The following TNKS2 variants were observed in gnomAD, a reference collection of about 807,000 sequenced individuals.
TNKS2 encodes the protein tankyrase 2.
In TNKS2, 72 loss-of-function variants were observed where a neutral mutation model predicts 137.6. The observed-to-expected ratio is 0.52, with a 90% CI of 0.43 to 0.64. TNKS2 has a LOEUF of 0.64. Ranked by LOEUF, TNKS2 falls within the 30% of genes least tolerant of loss-of-function variation. The pLI is 0.00. For synonymous variants in TNKS2, 516 were observed against 512.1 expected, an observed-to-expected ratio of 1.01 and a Z score of -0.10; for missense variants, 1,049 against 1,410.2, an observed-to-expected ratio of 0.74 and a Z score of 4.10.
Position 91,831,641 on chromosome 10 carries a change from A to T in TNKS2, c.1275+460A>T, listed in dbSNP as rs555998616. On this transcript the variant is annotated intron_variant, in intron 11 of 26. Transcript: ENST00000371627. ...TTATTTAAATAATTTGACTAAAAAC[A>T]TAATAGCTCCCCATGTTGGTAAGTT... 5.3e-5 allele frequency among the ~76,000 whole-genome samples: 8 copies of T among 152,348 alleles called. No homozygotes were observed. In the East Asian group the frequency reaches 1.5e-3, roughly 29 times the overall value.
rs970432621 is a variant in TNKS2, at chr10:91,842,245, A to G, written c.1913A>G (p.Asp638Gly). ...PLDLVKDGDTDIQDLLRGDAA... is the reference protein window; with the variant it reads ...PLDLVKDGDTGIQDLLRGDAA... ...GATCTTGTTAAAGATGGAGATACAG[A>G]TATTCAAGATCTGCTTAGGGGAGAT... Residue 638 changes from aspartate (D) to glycine (G), a missense_variant, in exon 16 of 27, where the codon GAT becomes GGT. By Grantham distance (94) the Asp-to-Gly change is moderately conservative. Around this residue, in one of 6 missense-constraint regions of TNKS2, gnomAD observed 328 missense variants for 436.0 expected, o/e 0.75. Transcript: ENST00000371627. 7.4e-6 allele frequency: 12 copies of G among 1,614,070 alleles called. No homozygotes were observed. Among genetic ancestry groups the G allele is most frequent in the Non-Finnish European group, 1.0e-5 (12 of 1,179,972 alleles).
At chr10:91,855,737 C>T (rs1422804946) in intron 23 of TNKS2, 49 bp downstream of exon 23, 3 of 1,380,242 alleles carry the variant, frequency 2.2e-6, no homozygotes, top group South Asian at 2.5e-5. Context: ...GTTTTCAAAG[C>T]CTGAAGCCAT....
At chr10:91,813,264 C>T (rs1166978278) in intron 2 of TNKS2, 57 bp downstream of exon 2, 16 of 1,376,290 alleles carry the variant, frequency 1.2e-5, no homozygotes, top group Non-Finnish European at 1.6e-5. Flanking sequence ...TGAATCTGAA[C>T]TGAATTAATC....
intron 1 of TNKS2, among the ~76,000 whole-genome samples, chr10:91,812,008 C>T (rs748620685): frequency 4.0e-5 from 6 of 150,960 alleles, no homozygotes; most frequent in Non-Finnish European, 5.9e-5. Context: ...TGCAGTGAGC[C>T]GAGATCGTGC....
chr10:91,848,662 C>G (rs1441308529), intron 19 of TNKS2, 27 bp downstream of exon 19: 3 of 1,611,108 alleles, frequency 1.9e-6, no homozygotes, highest in Admixed American at 1.7e-5. Context: ...AAATAACTTT[C>G]TAACTGGTAT....
chr10:91,841,584 A>G, intron 15 of TNKS2, 136 bp downstream of exon 15: 2 of 527,014 alleles, frequency 3.8e-6, no homozygotes, highest in Non-Finnish European at 6.0e-6. Context: ...TAGATTTTAG[A>G]ATAAATATAA....
chr10:91,800,920 A>G (rs1488378201), intron 1 of TNKS2, among the ~76,000 whole-genome samples: 1 of 152,204 alleles, frequency 6.6e-6, no homozygotes, highest in Non-Finnish European at 1.5e-5. Flanking sequence ...AGTCATGTTA[A>G]TGTGCCTGCA....
At chr10:91,834,471 G>A (rs940040453) in intron 12 of TNKS2, among the ~76,000 whole-genome samples, 5 of 152,090 alleles carry the variant, frequency 3.3e-5, no homozygotes, top group Non-Finnish European at 7.4e-5. Context: ...CTACACACTT[G>A]GCATAGATGA....
Position 91,833,834 on chromosome 10 carries a change from T to A in TNKS2, c.1276-19T>A. 6.4e-7 allele frequency: 1 copy of A among 1,550,570 alleles called. No homozygotes were observed. Among genetic ancestry groups the A allele is most frequent in the East Asian group, 2.3e-5 (1 of 43,890 alleles). On this transcript the variant is annotated intron_variant, in intron 11 of 26. Transcript: ENST00000371627. ...ATTTTGCATTGCGGGCTAATTTCAA[T>A]TTTTTCTGCTTTGTTAAGGTTAATG... is the stretch of plus-strand genomic sequence containing the variant.
At chr10:91,845,372 T>C (rs529090744) in intron 17 of TNKS2, among the ~76,000 whole-genome samples, 139 of 152,356 alleles carry the variant, frequency 9.1e-4, no homozygotes, top group African/African-American at 3.1e-3. Flanking sequence ...TCCTGACTTA[T>C]CATAGTCCAA....
Position 91,831,114 on chromosome 10 carries a change from C to G in TNKS2, c.1208C>G (p.Pro403Arg). ...INEKTKEFLT[P>R]LHVASEKAHN... ...TTTTTCTCTCTAAGATTCTTGACTCCTCTGCACGTGGCATCTGAGAAAGCT... is the reference window on the plus strand; with the variant it reads ...TTTTTCTCTCTAAGATTCTTGACTCGTCTGCACGTGGCATCTGAGAAAGCT... The change falls in exon 11 of 27, where the codon CCT becomes CGT. Residue 403 changes from proline (P) to arginine (R), a missense_variant. By Grantham distance (103) the Pro-to-Arg change is moderately radical. Coordinates refer to ENST00000371627, the MANE Select transcript of TNKS2 (RefSeq NM_025235.4). The G allele has an allele frequency of 1.2e-6, 2 of 1,613,960 alleles. No homozygotes were observed. Among genetic ancestry groups the G allele is most frequent in the Non-Finnish European group, 1.7e-6 (2 of 1,179,932 alleles).
Position 91,798,695 on chromosome 10 carries a change from C to T in TNKS2, c.5C>T (p.Ser2Leu), listed in dbSNP as rs892382436. 3.3e-6 allele frequency: 4 copies of T among 1,230,274 alleles called. No individual in the cohort carries two copies. In the African/African-American group the frequency reaches 6.3e-5, roughly 19 times the overall value. 76.2% of individuals were successfully genotyped at this position (1,230,274 alleles called of 1,614,324 possible). A position where few individuals can be genotyped will look rare whatever the true frequency, so the allele number is the denominator to read the frequency against. The change falls in exon 1 of 27, where the codon TCG becomes TTG. Residue 2 changes from serine (S) to leucine (L), a missense_variant. Around this residue, in one of 6 missense-constraint regions of TNKS2, gnomAD observed 374 missense variants for 460.8 expected, o/e 0.81. Coordinates refer to ENST00000371627, the MANE Select transcript of TNKS2 (RefSeq NM_025235.4). MSGRRCAGGGAA... is the reference protein window; with the variant it reads MLGRRCAGGGAA... ...GCTGTGGCGGCGGCCAGGATCATGT[C>T]GGGTCGCCGCTGCGCCGGCGGGGGA...
chr10:91,827,228 A>G, intron 8 of TNKS2, 25 bp downstream of exon 8: 3 of 1,461,486 alleles, frequency 2.1e-6, no homozygotes, highest in Non-Finnish European at 2.7e-6. Flanking sequence ...ATGAATGTTC[A>G]GGTAGGATAT....
chr10:91,799,255 A>C (rs1844078237), intron 1 of TNKS2, among the ~76,000 whole-genome samples: 1 of 152,192 alleles, frequency 6.6e-6, no homozygotes, highest in Non-Finnish European at 1.5e-5. Flanking sequence ...TTATGATTTA[A>C]AAGGTCAGTT....
At position 91,857,383 on chromosome 10, in the gene TNKS2, G is replaced by A. The variant is rs543083773; in HGVS notation, c.2989-42G>A. 3.6e-4 allele frequency: 521 copies of A among 1,445,634 alleles called. 7 individuals carry two copies. In the South Asian group the frequency reaches 6.2e-3, roughly 17 times the overall value. The allele number at this position is 1,445,634 out of a possible 1,614,324, so 89.6% of individuals were successfully genotyped here. ...TTGGTTTAGATGAAGAAGTCAGTAAGTAATTCCTAAAGATTTGATTTTTCT... is the reference window on the plus strand; with the variant it reads ...TTGGTTTAGATGAAGAAGTCAGTAAATAATTCCTAAAGATTTGATTTTTCT... On this transcript the variant is annotated intron_variant, in intron 23 of 26. Transcript: ENST00000371627.
intron 16 of TNKS2, among the ~76,000 whole-genome samples, chr10:91,844,686 T>C (rs1417658963): frequency 6.6e-6 from 1 of 152,168 alleles, no homozygotes. Flanking sequence ...GCTTCCAACT[T>C]GAGGCAAGGG....
intron 1 of TNKS2, 194 bp from the exon 2 acceptor site, chr10:91,812,789 G>T (rs1844550917): frequency 1.0e-6 from 1 of 985,352 alleles, no homozygotes; most frequent in Non-Finnish European, 1.2e-6. Flanking sequence ...CTGCTGCTTA[G>T]TGGAGAGTCC....
chr10:91,808,057 A>G (rs1332819556), intron 1 of TNKS2, among the ~76,000 whole-genome samples: 1 of 151,888 alleles, frequency 6.6e-6, no homozygotes, highest in East Asian at 1.9e-4. Context: ...AATAAGTGAC[A>G]AATACTGCTA....
chr10:91,835,201 A>AC (rs1416690876), intron 12 of TNKS2, among the ~76,000 whole-genome samples: 2 of 151,982 alleles, frequency 1.3e-5, no homozygotes, highest in African/African-American at 2.4e-5. Flanking sequence ...AGATGGAAAA[A>AC]AAATGATATT....
Sources: allele counts gnomAD v4.1 joint callset (sites outside exome capture counted in the v4.1 genomes callset), GRCh38; gene constraint gnomAD v4.1.1; regional missense constraint gnomAD v4.1.1; transcripts MANE v1.5; gene names NCBI Gene and HGNC (gene_info 2026-07-23, HGNC 2026-07-21).